SLC16A7: variants seen among roughly 807,000 people sequenced by gnomAD.
SLC16A7 encodes monocarboxylate transporter 2.
Under a neutral mutation model 34.9 loss-of-function variants are expected in SLC16A7, and 33 were observed. The observed-to-expected ratio is 0.94, with a 90% confidence interval of 0.72 to 1.26. The LOEUF is 1.26. Ranked by LOEUF, SLC16A7 falls within the 50% of genes most tolerant of loss-of-function variation. The pLI, the probability that SLC16A7 is intolerant of heterozygous loss-of-function variation, is 0.00. For synonymous variants in SLC16A7, 201 were observed against 206.6 expected (o/e 0.97, Z 0.23); for missense variants, 573 against 578.1 (o/e 0.99, Z 0.09).
At chr12:59,626,328 A>G (rs1879929223) in intron 1 of SLC16A7, among the ~76,000 whole-genome samples, 1 of 151,772 alleles carries the variant, frequency 6.6e-6, no homozygotes, top group East Asian at 1.9e-4. Context: ...ACAAATGAGT[A>G]TATCTAGTTA....
intron 1 of SLC16A7, among the ~76,000 whole-genome samples, chr12:59,637,489 T>C (rs1367717853): frequency 6.6e-6 from 1 of 152,020 alleles, no homozygotes; most frequent in Non-Finnish European, 1.5e-5. Flanking sequence ...CATTCACCTT[T>C]GTAGGGTTAG....
chr12:59,733,288 G>T (rs1877171460), intron 3 of SLC16A7, among the ~76,000 whole-genome samples: 1 of 152,214 alleles, frequency 6.6e-6, no homozygotes, highest in Non-Finnish European at 1.5e-5. Flanking sequence ...CCTGCCAAGG[G>T]TGAGCAAGGT....
At chr12:59,767,980 T>C in intron 3 of SLC16A7, 1 of 327,968 alleles carries the variant, frequency 3.0e-6, no homozygotes, top group South Asian at 2.5e-5. Context: ...CATTAGGAGA[T>C]ATACCTAATG....
intron 2 of SLC16A7, among the ~76,000 whole-genome samples, chr12:59,681,285 T>G (rs1012609064): frequency 6.6e-6 from 1 of 152,232 alleles, no homozygotes; most frequent in African/African-American, 2.4e-5. Context: ...TCTTGTTTAT[T>G]GTTTTACTCC....
intron 2 of SLC16A7, among the ~76,000 whole-genome samples, chr12:59,691,379 C>T (rs900062477): frequency 3.3e-5 from 5 of 151,960 alleles, no homozygotes; most frequent in Admixed American, 6.6e-5. Context: ...ATTAAAATAA[C>T]ATCAGCTATT....
At chr12:59,755,663 T>C (rs1880230744) in intron 3 of SLC16A7, among the ~76,000 whole-genome samples, 1 of 152,182 alleles carries the variant, frequency 6.6e-6, no homozygotes, top group Non-Finnish European at 1.5e-5. Flanking sequence ...ATCAGTATCA[T>C]GAAAATGGCC....
chr12:59,614,384 T>G (rs1347102047), intron 1 of SLC16A7, among the ~76,000 whole-genome samples: 1 of 152,134 alleles, frequency 6.6e-6, no homozygotes, highest in African/African-American at 2.4e-5. Flanking sequence ...AATGACCATC[T>G]CTTGTAATCA....
intron 3 of SLC16A7, among the ~76,000 whole-genome samples, chr12:59,727,589 G>T (rs188330877): frequency 1.3e-5 from 2 of 152,246 alleles, no homozygotes; most frequent in African/African-American, 4.8e-5. Context: ...CAAAGGAGTT[G>T]TTGTAAGAAT....
At chr12:59,729,458 C>A in intron 3 of SLC16A7, among the ~76,000 whole-genome samples, 1 of 152,172 alleles carries the variant, frequency 6.6e-6, no homozygotes, top group Non-Finnish European at 1.5e-5. Flanking sequence ...ATGCCTCATT[C>A]TAATTCCCAA....
intron 3 of SLC16A7, among the ~76,000 whole-genome samples, chr12:59,770,895 C>T (rs993150744): frequency 3.3e-5 from 5 of 152,030 alleles, no homozygotes; most frequent in Non-Finnish European, 7.4e-5. Context: ...TTACTTGCAT[C>T]TTTTAAGATG....
At chr12:59,623,727 A>G (rs989951018) in intron 1 of SLC16A7, among the ~76,000 whole-genome samples, 1 of 151,574 alleles carries the variant, frequency 6.6e-6, no homozygotes, top group African/African-American at 2.4e-5. Flanking sequence ...TTTGTTTCTA[A>G]CCTCTTACAT....
intron 2 of SLC16A7, among the ~76,000 whole-genome samples, chr12:59,680,500 A>G (rs1870660345): frequency 6.6e-6 from 1 of 152,206 alleles, no homozygotes. Context: ...CAGAATAACT[A>G]AAATGAAAAT....
intron 1 of SLC16A7, among the ~76,000 whole-genome samples, chr12:59,626,831 C>A (rs1565623095): frequency 6.6e-6 from 1 of 151,676 alleles, no homozygotes; most frequent in Non-Finnish European, 1.5e-5. Context: ...TAGATTGTGA[C>A]CAGGACAGTT....
At chr12:59,624,127 T>A (rs1241823922) in intron 1 of SLC16A7, among the ~76,000 whole-genome samples, 2 of 151,486 alleles carry the variant, frequency 1.3e-5, no homozygotes, top group Non-Finnish European at 3.0e-5. Flanking sequence ...ATTAATATAG[T>A]GAAAATCATT....
At position 59,713,836 on chromosome 12, in the gene SLC16A7, A is replaced by G. The variant is rs182580767; in HGVS notation, c.217+8818A>G. Among the ~76,000 whole-genome samples the G allele has an allele frequency of 7.2e-5, 11 of 152,366 alleles. No individual in the cohort carries two copies. In the South Asian group the frequency reaches 2.1e-3, roughly 29 times the overall value. ...ATAATTTCACTCATTCATTTATTCC[A>G]TAGATACACACTGAGCATCTTAAAT... is the stretch of plus-strand genomic sequence containing the variant. On this transcript the variant is annotated intron_variant, in intron 3 of 5. Transcript: ENST00000547379.
At chr12:59,767,658 TA>T (rs1315224800) in intron 3 of SLC16A7, among the ~76,000 whole-genome samples, 2 of 152,064 alleles carry the variant, frequency 1.3e-5, no homozygotes, top group African/African-American at 4.8e-5. Flanking sequence ...GACCTGCTGC[TA>T]AGAAAAAAAG....
intron 1 of SLC16A7, chr12:59,597,060 G>T (rs1878444478): frequency 6.6e-6 from 1 of 152,350 alleles, no homozygotes; most frequent in African/African-American, 2.4e-5. Flanking sequence ...TGTTTTCTCA[G>T]CGGATGCTGC....
At chr12:59,738,169 C>A (rs1272106720) in intron 3 of SLC16A7, among the ~76,000 whole-genome samples, 1 of 152,104 alleles carries the variant, frequency 6.6e-6, no homozygotes, top group Non-Finnish European at 1.5e-5. Context: ...AGCACGTATA[C>A]CACATTGGAT....
intron 3 of SLC16A7, among the ~76,000 whole-genome samples, chr12:59,705,696 A>G (rs1873485389): frequency 6.6e-6 from 1 of 152,056 alleles, no homozygotes. Context: ...TATGTCATCT[A>G]TTTTCTGTAA....
Sources: allele counts gnomAD v4.1 joint callset (sites outside exome capture counted in the v4.1 genomes callset), GRCh38; gene constraint gnomAD v4.1.1; transcripts MANE v1.5; gene names NCBI Gene and HGNC (gene_info 2026-07-23, HGNC 2026-07-21).